The following LPXN variants were observed in gnomAD, a reference collection of about 807,000 sequenced individuals.
LPXN encodes the protein leupaxin.
LPXN carries 28 observed loss-of-function variants against 45.6 expected under a neutral mutation model. The ratio of observed to expected loss-of-function variants is 0.61; its 90% CI spans 0.45 to 0.84. LPXN has a LOEUF of 0.84. Ranked by LOEUF, LPXN falls within the 40% of genes least tolerant of loss-of-function variation. The probability of loss-of-function intolerance (pLI) is 0.00; values close to 1 mark genes in which losing one functional copy is unlikely to be tolerated. For synonymous variants in LPXN, 166 were observed against 169.9 expected (o/e 0.98, Z 0.18); for missense variants, 459 against 475.0 (o/e 0.97, Z 0.31).
intron 7 of LPXN, among the ~76,000 whole-genome samples, chr11:58,538,535 A>G (rs1486672300): frequency 6.6e-6 from 1 of 151,890 alleles, no homozygotes; most frequent in Non-Finnish European, 1.5e-5. Context: ...GATGGTGAGC[A>G]TTTTTTCATG....
rs775560427 is a variant in LPXN at position 58,551,058 on chromosome 11, A to T, written c.486+7T>A. The T allele has an allele frequency of 5.8e-6, 9 of 1,557,740 alleles. No homozygotes were observed. The highest frequency in any genetic ancestry group is 7.8e-6 in the Non-Finnish European group (9 of 1,152,462). Reference sequence around the variant, plus strand: ...GGCTGTAGGACCAAAATTTCAGCCCATCTCACCTTCCCAGCAATCGGTTTC... The same window carrying T: ...GGCTGTAGGACCAAAATTTCAGCCCTTCTCACCTTCCCAGCAATCGGTTTC... On this transcript the variant is annotated splice_region_variant and intron_variant, in intron 5 of 8. Transcript: ENST00000395074.
At chr11:58,553,156 C>T (rs1158515038) in intron 4 of LPXN, among the ~76,000 whole-genome samples, 1 of 151,726 alleles carries the variant, frequency 6.6e-6, no homozygotes, top group African/African-American at 2.4e-5. Context: ...GGCAACATAG[C>T]AAAACCTCGT....
At chr11:58,567,733 T>C (rs552637268) in intron 2 of LPXN, among the ~76,000 whole-genome samples, 1 of 152,250 alleles carries the variant, frequency 6.6e-6, no homozygotes, top group Non-Finnish European at 1.5e-5. Flanking sequence ...CTTGCCTGCA[T>C]GGTACATGGT....
chr11:58,578,463 C>T (rs1401732209), upstream of LPXN, among the ~76,000 whole-genome samples: 2 of 152,206 alleles, frequency 1.3e-5, no homozygotes, highest in East Asian at 3.9e-4. Context: ...GTTGCCCCCA[C>T]AACCCCGCCT....
rs5792108 is a variant in LPXN, at chr11:58,555,768, GCACACA to G, written c.219-834_219-829del. 2.1e-4 allele frequency among the ~76,000 whole-genome samples: 32 copies of G among 149,526 alleles called. No homozygotes were observed. The East Asian group carries it at 2.9e-3, about 14-fold the overall frequency. ...CACACACACACACACTCACACACAT[GCACACA>G]CACACACACACACACACGCCTTTGG... On this transcript the variant is annotated intron_variant, in intron 3 of 8. Coordinates refer to ENST00000395074, the MANE Select transcript of LPXN (RefSeq NM_004811.3).
At chr11:58,529,029 T>C (rs1042024430) in intron 7 of LPXN, among the ~76,000 whole-genome samples, 1 of 152,216 alleles carries the variant, frequency 6.6e-6, no homozygotes, top group Non-Finnish European at 1.5e-5. Flanking sequence ...GAAAGGCTAA[T>C]GATACTTAGG....
intron 4 of LPXN, 91 bp downstream of exon 4, chr11:58,554,750 T>C (rs553635535): frequency 2.1e-5 from 19 of 896,734 alleles, no homozygotes; most frequent in Admixed American, 1.1e-4. Flanking sequence ...GAGAGCTGAG[T>C]TCCACAAAGA....
At chr11:58,572,179 A>G (rs1854725825) in intron 1 of LPXN, among the ~76,000 whole-genome samples, 1 of 152,186 alleles carries the variant, frequency 6.6e-6, no homozygotes, top group Non-Finnish European at 1.5e-5. Flanking sequence ...TAAAGTTCTC[A>G]GATAAGGAAA....
Position 58,527,271 on chromosome 11 carries a change from G to A in LPXN, c.*183C>T. 1.6e-6 allele frequency: 1 copy of A among 606,682 alleles called. No individual in the cohort carries two copies. The highest frequency in any genetic ancestry group is 3.0e-5 in the Admixed American group (1 of 33,618). The allele number at this position is 606,682 out of a possible 1,614,324, so 37.6% of individuals were successfully genotyped here. A position where few individuals can be genotyped will look rare whatever the true frequency, so the allele number is the denominator to read the frequency against. On this transcript the variant is annotated 3_prime_UTR_variant, in exon 9 of 9. Transcript: ENST00000395074. ...AATTTATAGAATTAACTGTATAGAA[G>A]CCTAAAAAATAAGATTATCAGCCTA...
intron 7 of LPXN, among the ~76,000 whole-genome samples, chr11:58,535,646 CAT>C (rs1233714852): frequency 6.6e-6 from 1 of 152,156 alleles, no homozygotes; most frequent in Non-Finnish European, 1.5e-5. Context: ...TCATATTCAA[CAT>C]AGTGTTGGAA....
chr11:58,540,043 A>AT (rs1346116964), intron 7 of LPXN, among the ~76,000 whole-genome samples: 2 of 152,174 alleles, frequency 1.3e-5, no homozygotes, highest in Non-Finnish European at 2.9e-5. Context: ...AACAAGAAGT[A>AT]TACTGCACCC....
At chr11:58,528,270 C>T (rs867827376) in intron 7 of LPXN, 79 bp from the exon 8 acceptor site, 2 of 1,310,540 alleles carry the variant, frequency 1.5e-6, no homozygotes, top group African/African-American at 1.6e-5. Context: ...GAGGCCCTTT[C>T]AATCTCAGTG....
At chr11:58,569,123 C>T (rs1412818667) in intron 2 of LPXN, among the ~76,000 whole-genome samples, 2 of 152,122 alleles carry the variant, frequency 1.3e-5, no homozygotes, top group Non-Finnish European at 2.9e-5. Flanking sequence ...GTAAACTACC[C>T]CTGAGCTCAA....
At chr11:58,531,117 T>A (rs1472304979) in intron 7 of LPXN, among the ~76,000 whole-genome samples, 1 of 151,356 alleles carries the variant, frequency 6.6e-6, no homozygotes, top group African/African-American at 2.4e-5. Context: ...GCAAAAAGGG[T>A]GAAAATCCCA....
upstream of LPXN, chr11:58,578,179 C>T (rs1861820956): frequency 8.3e-7 from 1 of 1,209,434 alleles, no homozygotes; most frequent in Non-Finnish European, 1.1e-6. Flanking sequence ...GAAAAACCCT[C>T]CCATCAGACC....
chr11:58,544,722 A>T (rs1853827859), intron 7 of LPXN, among the ~76,000 whole-genome samples: 1 of 152,216 alleles, frequency 6.6e-6, no homozygotes, highest in South Asian at 2.1e-4. Context: ...AATGAGAAAT[A>T]CTGACAATTA....
At chr11:58,567,036 A>T (rs1854546445) in intron 2 of LPXN, among the ~76,000 whole-genome samples, 1 of 151,992 alleles carries the variant, frequency 6.6e-6, no homozygotes, top group Admixed American at 6.6e-5. Flanking sequence ...ATATATATTT[A>T]TAATTTATAC....
At chr11:58,537,236 C>T (rs990781967) in intron 7 of LPXN, among the ~76,000 whole-genome samples, 4 of 152,178 alleles carry the variant, frequency 2.6e-5, no homozygotes, top group Non-Finnish European at 5.9e-5. Flanking sequence ...GTACTATTCA[C>T]AAAAGCAAAG....
chr11:58,543,147 G>C (rs914944977), intron 7 of LPXN, among the ~76,000 whole-genome samples: 1 of 152,112 alleles, frequency 6.6e-6, no homozygotes, highest in African/African-American at 2.4e-5. Flanking sequence ...TAGTTGGCTA[G>C]TTTGATTACT....
Sources: gnomAD v4.1 joint callset for allele counts (sites outside exome capture counted in the v4.1 genomes callset) on GRCh38, gnomAD v4.1.1 for gene constraint, MANE v1.5 for transcripts, NCBI Gene and HGNC (gene_info 2026-07-23, HGNC 2026-07-21) for gene names.